The following VIRMA variants were observed in gnomAD, a reference collection of about 807,000 sequenced individuals.
The protein encoded by VIRMA is vir like m6A methyltransferase associated.
Under a neutral mutation model 182.4 loss-of-function variants are expected in VIRMA, and 65 were observed. The ratio of observed to expected loss-of-function variants is 0.36; its 90% CI spans 0.29 to 0.44. The LOEUF (loss-of-function observed/expected upper bound fraction) is 0.44. VIRMA is among the 20% of genes least tolerant of loss of function. The pLI, the probability that VIRMA is intolerant of heterozygous loss-of-function variation, is 1.00. For synonymous variants in VIRMA, 709 were observed against 743.1 expected, an observed-to-expected ratio of 0.95 and a Z score of 0.75; for missense variants, 1,752 against 2,158.1, an observed-to-expected ratio of 0.81 and a Z score of 3.73.
rs768141095 is a variant in VIRMA at position 94,553,406 on chromosome 8, A to G, written c.42T>C (p.Thr14=). Residue 14 remains threonine, a synonymous_variant, in exon 1 of 24, where the codon ACT becomes ACC. Coordinates refer to ENST00000297591, the MANE Select transcript of VIRMA (RefSeq NM_015496.5). The part of the protein sequence containing the change: ...DSAMELLFLD[T]FKHPSAEQSS... The stretch of plus-strand genomic sequence containing the variant: ...TTACCTCAGCGCTCGGGTGTTTAAA[A>G]GTATCTAAAAATAACAGCTCCATCG... 2 of 1,614,128 alleles carry G rather than the reference A, an allele frequency of 1.2e-6. No homozygotes were observed. Among genetic ancestry groups the G allele is most frequent in the African/African-American group, 2.7e-5 (2 of 74,944 alleles).
chr8:94,551,585 C>T lies in VIRMA; in HGVS notation c.63+1800G>A, dbSNP rs1337638328. On this transcript the variant is annotated intron_variant, in intron 1 of 23. Transcript: ENST00000297591. ...CCCAGAAGAAAGCATTTACCATCTG[C>T]CCTATGCTCTCAAGGTATTCAATGT... is the stretch of plus-strand genomic sequence containing the variant. Among the ~76,000 whole-genome samples, 22 of 152,160 alleles carry T rather than the reference C, an allele frequency of 1.4e-4. 1 individual carries two copies. The highest frequency in any genetic ancestry group is 1.4e-3 in the Admixed American group (22 of 15,282).
intron 16 of VIRMA, among the ~76,000 whole-genome samples, chr8:94,500,470 C>T (rs1034453656): frequency 6.6e-6 from 1 of 152,138 alleles, no homozygotes. Context: ...CTAACCACTA[C>T]ACACAATCTT....
chr8:94,515,010 TA>T, intron 10 of VIRMA, 59 bp from the exon 11 acceptor site: 4 of 861,526 alleles, frequency 4.6e-6, no homozygotes, highest in Non-Finnish European at 7.0e-6. Context: ...ACAAAGAAAG[TA>T]AATATTTTTT....
At chr8:94,531,160 G>A (rs537492512) in intron 5 of VIRMA, 75 bp from the exon 6 acceptor site, 2 of 1,403,536 alleles carry the variant, frequency 1.4e-6, no homozygotes, top group Non-Finnish European at 9.4e-7. Context: ...TTTGAACTGT[G>A]TGGGTCCACT....
At chr8:94,540,185 TA>T (rs1309576652) in intron 2 of VIRMA, among the ~76,000 whole-genome samples, 4 of 152,152 alleles carry the variant, frequency 2.6e-5, no homozygotes, top group Admixed American at 2.6e-4. Flanking sequence ...ATTTGAAAAC[TA>T]AAAACCATCT....
At chr8:94,514,976 T>G in intron 10 of VIRMA, 25 bp from the exon 11 acceptor site, 1 of 1,162,462 alleles carries the variant, frequency 8.6e-7, no homozygotes, top group Non-Finnish European at 1.2e-6. Flanking sequence ...TAATTTATAA[T>G]ATTTAAAAAT....
At chr8:94,527,937 TC>T (rs887314923) in intron 7 of VIRMA, among the ~76,000 whole-genome samples, 9 of 152,134 alleles carry the variant, frequency 5.9e-5, no homozygotes, top group African/African-American at 1.9e-4. Context: ...AGAAAATGTG[TC>T]CATTTAAAAT....
intron 8 of VIRMA, among the ~76,000 whole-genome samples, chr8:94,521,072 A>G (rs1814748478): frequency 6.6e-6 from 1 of 150,890 alleles, no homozygotes. Context: ...TTAGTTCTGG[A>G]GTACATGTGC....
chr8:94,540,933 T>C (rs548459694), intron 2 of VIRMA, among the ~76,000 whole-genome samples: 1 of 152,250 alleles, frequency 6.6e-6, no homozygotes, highest in South Asian at 2.1e-4. Context: ...CCAGTTATCT[T>C]ACAACTCGGT....
chr8:94,503,246 A>C (rs1814053736), intron 16 of VIRMA, among the ~76,000 whole-genome samples: 1 of 152,212 alleles, frequency 6.6e-6, no homozygotes, highest in Non-Finnish European at 1.5e-5. Context: ...ATAGTCTCCA[A>C]AATATTTAGT....
chr8:94,535,802 G>T (rs1242931096), intron 4 of VIRMA, among the ~76,000 whole-genome samples: 4 of 150,620 alleles, frequency 2.7e-5, no homozygotes, highest in Non-Finnish European at 5.9e-5. Context: ...AAAAAGTAAA[G>T]GAACCCAGAG....
chr8:94,535,781 C>CAA (rs56126709), intron 4 of VIRMA, among the ~76,000 whole-genome samples: 134 of 87,778 alleles, frequency 1.5e-3, no homozygotes, highest in African/African-American at 4.6e-3. Context: ...GACTTGGTCT[C>CAA]AAAAAAAAAA....
At chr8:94,529,441 T>C (rs921786743) in intron 6 of VIRMA, 99 bp from the exon 7 acceptor site, 3 of 646,134 alleles carry the variant, frequency 4.6e-6, no homozygotes, top group East Asian at 5.4e-5. Context: ...TTGGTTGATA[T>C]AGTTTATAAA....
intron 1 of VIRMA, among the ~76,000 whole-genome samples, chr8:94,547,807 C>G (rs978824700): frequency 2.7e-5 from 4 of 148,832 alleles, no homozygotes; most frequent in Admixed American, 1.3e-4. Context: ...CCAAGACAGA[C>G]AGATCACCTG....
rs1348253800 is a variant in VIRMA, at chr8:94,529,232, C to T, written c.718G>A (p.Val240Ile). Residue 240 changes from valine (V) to isoleucine (I), a missense_variant, in exon 7 of 24, where the codon GTA (valine) becomes ATA (isoleucine). By Grantham distance (29) the Val-to-Ile change is conservative (BLOSUM62 3). This residue lies in a region of VIRMA where 114 missense variants were observed against 106.9 expected (regional missense o/e 1.07). Transcript: ENST00000297591. Reference protein sequence around the residue: ...QEGQYSDEGEVEEEQQEEGEE... With the variant: ...QEGQYSDEGEIEEEQQEEGEE... Reference sequence around the variant, plus strand: ...CCTTCTTCTTGTTGTTCCTCTTCTACTTCTCCTTCATCAGAATATTGCCCT... The same window carrying T: ...CCTTCTTCTTGTTGTTCCTCTTCTATTTCTCCTTCATCAGAATATTGCCCT... 4 of 1,586,998 alleles carry T rather than the reference C, an allele frequency of 2.5e-6. No individual in the cohort carries two copies. The highest frequency in any genetic ancestry group is 2.6e-6 in the Non-Finnish European group (3 of 1,155,326).
intron 19 of VIRMA, 51 bp downstream of exon 19, chr8:94,495,680 A>G: frequency 1.3e-6 from 2 of 1,536,550 alleles, no homozygotes; most frequent in Non-Finnish European, 8.9e-7. Flanking sequence ...CCTAGACTAC[A>G]GCCATTTTAA....
At chr8:94,522,661 C>T (rs1051870577) in intron 8 of VIRMA, among the ~76,000 whole-genome samples, 1 of 152,148 alleles carries the variant, frequency 6.6e-6, no homozygotes, top group African/African-American at 2.4e-5. Context: ...AGTCCTAGTA[C>T]TATTATATAA....
intron 1 of VIRMA, among the ~76,000 whole-genome samples, chr8:94,551,806 C>G (rs1460657356): frequency 1.3e-5 from 2 of 152,168 alleles, no homozygotes; most frequent in Non-Finnish European, 2.9e-5. Context: ...CTCACTGCAG[C>G]CTTGAACTCC....
intron 21 of VIRMA, 77 bp downstream of exon 21, chr8:94,492,575 T>C (rs959260428): frequency 1.5e-6 from 2 of 1,333,098 alleles, no homozygotes; most frequent in African/African-American, 1.5e-5. Flanking sequence ...CTCGGCCGCA[T>C]GTGTCTATCT....
Sources: allele counts gnomAD v4.1 joint callset (sites outside exome capture counted in the v4.1 genomes callset), GRCh38; gene constraint gnomAD v4.1.1; regional missense constraint gnomAD v4.1.1; transcripts MANE v1.5; gene names NCBI Gene and HGNC (gene_info 2026-07-23, HGNC 2026-07-21).